The following FAM234A variants were observed in gnomAD, a reference collection of about 807,000 sequenced individuals.
FAM234A encodes the protein family with sequence similarity 234 member A, also known as protein FAM234A.
Under a neutral mutation model 49.1 loss-of-function variants are expected in FAM234A, and 42 were observed. That is an observed-to-expected ratio of 0.86 (90% confidence interval 0.67 to 1.11). The LOEUF (loss-of-function observed/expected upper bound fraction) is 1.11. FAM234A is among the 50% of genes least tolerant of loss of function. The probability of loss-of-function intolerance (pLI) is 0.00; values close to 1 mark genes in which losing one functional copy is unlikely to be tolerated. For missense variants in FAM234A, 815 were observed against 745.2 expected (o/e 1.09, Z -1.09); for synonymous variants, 369 against 316.2 (o/e 1.17, Z -1.77).
At position 249,225 on chromosome 16, in the gene FAM234A, G is replaced by A. The variant is rs77976541; in HGVS notation, c.-139-324G>A. Among the ~76,000 whole-genome samples, 278 of 152,000 alleles carry A rather than the reference G, an allele frequency of 1.8e-3. 3 individuals are homozygous for A. Among genetic ancestry groups the A allele is most frequent in the African/African-American group, 6.4e-3 (266 of 41,332 alleles). ...CTGTGGGGGGATGCAGTCTCCCCTT[G>A]AGGGTCAGGAGATGTCTGGCCATCA... On this transcript the variant is annotated intron_variant, in intron 1 of 12. Coordinates refer to ENST00000399932, the MANE Select transcript of FAM234A (RefSeq NM_032039.4).
intron 1 of FAM234A, among the ~76,000 whole-genome samples, chr16:238,551 G>C (rs2050483140): frequency 6.6e-6 from 1 of 151,958 alleles, no homozygotes; most frequent in African/African-American, 2.4e-5. Flanking sequence ...CAGATCATGA[G>C]GTCAGGAGAT....
Position 265,282 on chromosome 16 carries a change from G to A in FAM234A, c.*260G>A. ...GGGCCTCACTCTGCACCCCACCAGG[G>A]TCCCGCTCACACCAGGCAGCCTTCA... is the stretch of plus-strand genomic sequence containing the variant. On this transcript the variant is annotated 3_prime_UTR_variant, in exon 13 of 13. Transcript: ENST00000399932. The A allele has an allele frequency of 7.7e-7, 1 of 1,300,012 alleles. No homozygotes were observed. The highest frequency in any genetic ancestry group is 2.2e-5 in the South Asian group (1 of 45,324). 80.5% of individuals were successfully genotyped at this position (1,300,012 alleles called of 1,614,324 possible).
chr16:246,665 C>T (rs1485306965), intron 1 of FAM234A, among the ~76,000 whole-genome samples: 3 of 151,022 alleles, frequency 2.0e-5, no homozygotes, highest in East Asian at 1.9e-4. Flanking sequence ...GTGATCCGCC[C>T]GCTTTGGCCT....
intron 2 of FAM234A, among the ~76,000 whole-genome samples, chr16:251,629 G>A (rs980597478): frequency 1.1e-4 from 17 of 149,148 alleles, no homozygotes; most frequent in South Asian, 1.1e-3. Context: ...CCACTCACTC[G>A]GACTCCCAGA....
intron 4 of FAM234A, 137 bp downstream of exon 4, chr16:259,736 C>A: frequency 1.3e-6 from 1 of 746,036 alleles, no homozygotes; most frequent in East Asian, 2.4e-5. Flanking sequence ...TCCTTCCTGG[C>A]AGACCAGAAA....
intron 9 of FAM234A, 99 bp from the exon 10 acceptor site, chr16:263,601 G>T (rs974416804): frequency 2.3e-6 from 3 of 1,277,404 alleles, no homozygotes; most frequent in Non-Finnish European, 3.4e-6. Context: ...TCCAGATGTG[G>T]CCATGGGAGA....
chr16:266,517 C>T (rs1173338972), downstream of FAM234A, among the ~76,000 whole-genome samples: 1 of 152,146 alleles, frequency 6.6e-6, no homozygotes. Flanking sequence ...CCCGGAGATG[C>T]AGCTTTGGGT....
rs1567227434 is a variant in FAM234A at position 264,133 on chromosome 16, T to C, written c.1306T>C (p.Phe436Leu). The C allele has an allele frequency of 8.1e-6, 13 of 1,609,096 alleles. No individual in the cohort carries two copies. Among genetic ancestry groups the C allele is most frequent in the Non-Finnish European group, 1.0e-5 (12 of 1,179,630 alleles). Residue 436 changes from phenylalanine to leucine, a missense_variant, in exon 11 of 13, where the codon TTC becomes CTC. Coordinates refer to ENST00000399932, the MANE Select transcript of FAM234A (RefSeq NM_032039.4). ...PTADHRSAFFFWGLHELGSTS... is the reference protein window; with the variant it reads ...PTADHRSAFFLWGLHELGSTS... Reference sequence around the variant, plus strand: ...CGCAGACCACCGCTCAGCCTTCTTCTTCTGGGGCCTCCACGAGCTGGGGAG... The same window carrying C: ...CGCAGACCACCGCTCAGCCTTCTTCCTCTGGGGCCTCCACGAGCTGGGGAG...
chr16:250,690 G>T (rs1323294246), intron 2 of FAM234A, among the ~76,000 whole-genome samples: 1 of 151,914 alleles, frequency 6.6e-6, no homozygotes, highest in Non-Finnish European at 1.5e-5. Flanking sequence ...ATCCCACAAA[G>T]AAACCCTCAG....
In FAM234A at chr16:265,056, G is replaced by C; in HGVS notation, c.*34G>C. ...CAGCCAGAGCCTGTGGAGAGACTCC[G>C]CCTGCTGACACTAAACGTCCTGGGA... On this transcript the variant is annotated 3_prime_UTR_variant, in exon 13 of 13. Coordinates refer to ENST00000399932, the MANE Select transcript of FAM234A (RefSeq NM_032039.4). 6.4e-7 allele frequency: 1 copy of C among 1,562,570 alleles called. No homozygotes were observed. Among genetic ancestry groups the C allele is most frequent in the South Asian group, 1.2e-5 (1 of 85,080 alleles).
At chr16:237,755 A>C (rs572303948) in intron 1 of FAM234A, among the ~76,000 whole-genome samples, 7 of 146,364 alleles carry the variant, frequency 4.8e-5, no homozygotes, top group Admixed American at 2.1e-4. Flanking sequence ...TCTGTCACCC[A>C]GGCTGGAGTG....
chr16:242,548 G>T (rs1332928482), intron 1 of FAM234A, among the ~76,000 whole-genome samples: 1 of 151,436 alleles, frequency 6.6e-6, no homozygotes, highest in African/African-American at 2.4e-5. Flanking sequence ...TAATCCGTTT[G>T]AATAACCATA....
chr16:244,981 C>T (rs991094087), intron 1 of FAM234A, among the ~76,000 whole-genome samples: 15 of 151,940 alleles, frequency 9.9e-5, no homozygotes, highest in Admixed American at 4.6e-4. Flanking sequence ...CATGAGCCAT[C>T]GCGCTCGACC....
intron 1 of FAM234A, among the ~76,000 whole-genome samples, chr16:238,583 A>T (rs8057260): frequency 2.0e-5 from 3 of 149,472 alleles, no homozygotes; most frequent in Non-Finnish European, 4.5e-5. Context: ...TGGCTAACAC[A>T]GTGAAATCCC....
chr16:236,044 T>A (rs1170463976), intron 1 of FAM234A, among the ~76,000 whole-genome samples: 2 of 151,934 alleles, frequency 1.3e-5, no homozygotes, highest in Non-Finnish European at 2.9e-5. Flanking sequence ...TCCCAGTTAC[T>A]CGGGTTCAAG....
chr16:239,614 C>CAAA lies in FAM234A; in HGVS notation c.-140+4773_-140+4775dup, dbSNP rs534376069. 8.6e-3 allele frequency among the ~76,000 whole-genome samples: 881 copies of CAAA among 102,326 alleles called. 14 individuals are homozygous for CAAA. Among genetic ancestry groups the CAAA allele is most frequent in the African/African-American group, 0.026 (798 of 31,168 alleles). 67.1% of individuals were successfully genotyped at this position (102,326 alleles called of 152,430 possible). On this transcript the variant is annotated intron_variant, in intron 1 of 12. Transcript: ENST00000399932. ...TGGGTGACACAGCTAGGCCCCGTCTCAAAAAAAAAAAAAAAAAATTAACAC... is the reference window on the plus strand; with the variant it reads ...TGGGTGACACAGCTAGGCCCCGTCTCAAAAAAAAAAAAAAAAAAAAATTAACAC...
chr16:259,517 C>A lies in FAM234A; in HGVS notation c.303C>A (p.Asn101Lys). Reference protein sequence around the residue: ...IYDFLAVDDINGDRIQDVLFL... With the variant: ...IYDFLAVDDIKGDRIQDVLFL... ...ACTTTCTGGCTGTGGATGATATAAA[C>A]GGGGACAGGATCCAAGATGTTCTTT... The change falls in exon 4 of 13, where the codon AAC (asparagine) becomes AAA (lysine). Residue 101 changes from asparagine to lysine, a missense_variant. By Grantham distance (94) the Asn-to-Lys change is moderately conservative. Transcript: ENST00000399932. 1 of 1,611,006 alleles carries A rather than the reference C, an allele frequency of 6.2e-7. No individual in the cohort carries two copies. The highest frequency in any genetic ancestry group is 1.1e-5 in the South Asian group (1 of 90,986).
chr16:261,513 A>G lies in FAM234A; in HGVS notation c.707A>G (p.Glu236Gly). Residue 236 changes from glutamate to glycine, a missense_variant and splice_region_variant, in exon 6 of 13, where the codon GAG (glutamate) becomes GGG (glycine). Physicochemically the swap from Glu to Gly is moderately conservative, Grantham distance 98. Coordinates refer to ENST00000399932, the MANE Select transcript of FAM234A (RefSeq NM_032039.4). The part of the protein sequence containing the change: ...DLLVLTQERE[E>G]VSGHLYSGST... ...CTGGTTCTCACCCAGGAGCGGGAGG[A>G]GGTACATCCCAGCCTGGCTCTGCTC... The G allele has an allele frequency of 6.3e-7, 1 of 1,599,306 alleles. No homozygotes were observed. Among genetic ancestry groups the G allele is most frequent in the Non-Finnish European group, 8.5e-7 (1 of 1,174,116 alleles).
intron 1 of FAM234A, among the ~76,000 whole-genome samples, chr16:238,050 G>C (rs1340121171): frequency 6.8e-6 from 1 of 147,700 alleles, no homozygotes; most frequent in African/African-American, 2.5e-5. Flanking sequence ...ATGGATTCTC[G>C]CTCTGTTGCC....
Sources: gnomAD v4.1 joint callset for allele counts (sites outside exome capture counted in the v4.1 genomes callset) on GRCh38, gnomAD v4.1.1 for gene constraint, MANE v1.5 for transcripts, NCBI Gene and HGNC (gene_info 2026-07-23, HGNC 2026-07-21) for gene names.